Variants in GPALPP1 observed in about 807,000 individuals in gnomAD.
GPALPP1 encodes GPALPP motifs-containing protein 1.
GPALPP1 carries 30 observed loss-of-function variants against 38.9 expected under a neutral mutation model. That is an observed-to-expected ratio of 0.77 (90% CI 0.58 to 1.05). GPALPP1 has a LOEUF of 1.05. Ranked by LOEUF, GPALPP1 falls within the 50% of genes least tolerant of loss-of-function variation. The probability of loss-of-function intolerance (pLI) is 0.00; values close to 1 mark genes in which losing one functional copy is unlikely to be tolerated. For missense variants in GPALPP1, 384 were observed against 408.8 expected (o/e 0.94, Z 0.52); for synonymous variants, 120 against 139.2 (o/e 0.86, Z 0.97).
chr13:45,004,191 T>A, intron 1 of GPALPP1, 114 bp from the exon 2 acceptor site: 1 of 798,260 alleles, frequency 1.3e-6, no homozygotes, highest in African/African-American at 1.7e-5. Context: ...AAGTGAATAA[T>A]AAATGATAGA....
chr13:44,991,403 C>T (rs562647248), intron 1 of GPALPP1, among the ~76,000 whole-genome samples: 5 of 150,812 alleles, frequency 3.3e-5, no homozygotes, highest in African/African-American at 9.8e-5. Flanking sequence ...GCCGAGATCG[C>T]GCCACTGCAC....
rs991310763 is a variant in GPALPP1, at chr13:45,005,544, G to C, written c.222-658G>C. Among the ~76,000 whole-genome samples, 19 of 152,214 alleles carry C rather than the reference G, an allele frequency of 1.2e-4. No homozygotes were observed. The East Asian group carries it at 3.7e-3, about 29-fold the overall frequency. On this transcript the variant is annotated intron_variant, in intron 2 of 7. Transcript: ENST00000379151. ...AATAGCAACTTAAAACCCTTCCTTA[G>C]ATGAGAATAAAAGTCACAGTCATAA...
At chr13:45,011,817 G>A (rs967445147) in intron 4 of GPALPP1, among the ~76,000 whole-genome samples, 5 of 152,132 alleles carry the variant, frequency 3.3e-5, no homozygotes, top group Admixed American at 6.5e-5. Flanking sequence ...TTTAGGCTAA[G>A]TACGAGGACT....
chr13:44,990,963 G>A (rs369855917), intron 1 of GPALPP1, among the ~76,000 whole-genome samples: 44 of 151,980 alleles, frequency 2.9e-4, no homozygotes, highest in African/African-American at 1.0e-3. Flanking sequence ...GGTGGCGGGC[G>A]CCTGTAATCC....
chr13:45,014,471 C>G (rs1874693206), intron 4 of GPALPP1, among the ~76,000 whole-genome samples: 1 of 152,010 alleles, frequency 6.6e-6, no homozygotes, highest in African/African-American at 2.4e-5. Flanking sequence ...TTATTACACT[C>G]TAAGCCTAAG....
At chr13:45,017,669 C>G (rs1332885398) in intron 6 of GPALPP1, among the ~76,000 whole-genome samples, 1 of 152,054 alleles carries the variant, frequency 6.6e-6, no homozygotes, top group African/African-American at 2.4e-5. Context: ...GGGAGTCTTC[C>G]TTGGAGGAAA....
At chr13:45,003,757 C>T (rs189496634) in intron 1 of GPALPP1, among the ~76,000 whole-genome samples, 212 of 152,258 alleles carry the variant, frequency 1.4e-3, no homozygotes, top group Non-Finnish European at 2.6e-3. Context: ...TCATTCTCTT[C>T]CCTGTATCTC....
At chr13:45,022,791 G>T (rs768570214) in intron 7 of GPALPP1, among the ~76,000 whole-genome samples, 1 of 152,148 alleles carries the variant, frequency 6.6e-6, no homozygotes, top group South Asian at 2.1e-4. Context: ...CCAGCACTTT[G>T]GGGGAGACTG....
chr13:44,994,918 A>G (rs764166550), intron 1 of GPALPP1, among the ~76,000 whole-genome samples: 21 of 151,912 alleles, frequency 1.4e-4, no homozygotes, highest in Non-Finnish European at 2.5e-4. Flanking sequence ...CAATGGCACA[A>G]TCTCGGCTCA....
At chr13:44,992,022 G>C (rs1872839863) in intron 1 of GPALPP1, among the ~76,000 whole-genome samples, 1 of 152,202 alleles carries the variant, frequency 6.6e-6, no homozygotes, top group Non-Finnish European at 1.5e-5. Context: ...ATGAACATTT[G>C]AGTAATTTCC....
At chr13:45,036,360 T>G (rs373353315) in exon 8 of GPALPP1, 1 of 152,244 alleles carries the variant, frequency 6.6e-6, no homozygotes, top group African/African-American at 2.4e-5. Context: ...TCCTTGTCCC[T>G]GGCTGACTTG....
At chr13:45,004,867 G>C (rs1451844232) in intron 2 of GPALPP1, among the ~76,000 whole-genome samples, 2 of 151,728 alleles carry the variant, frequency 1.3e-5, no homozygotes, top group Admixed American at 1.3e-4. Context: ...TGTTGCCCAG[G>C]CTGGTCTCAA....
downstream of GPALPP1, chr13:45,035,019 C>G (rs1367183245): frequency 6.9e-6 from 1 of 144,284 alleles, no homozygotes; most frequent in Non-Finnish European, 1.5e-5. Flanking sequence ...TGCAGTGGCG[C>G]CATCTCGGCT....
At chr13:45,000,509 A>T (rs1873596885) in intron 1 of GPALPP1, among the ~76,000 whole-genome samples, 1 of 152,230 alleles carries the variant, frequency 6.6e-6, no homozygotes, top group African/African-American at 2.4e-5. Context: ...CATATTACAC[A>T]TCTAATTGCT....
chr13:45,021,983 T>A lies in GPALPP1; in HGVS notation c.804+1555T>A, dbSNP rs571074643. Among the ~76,000 whole-genome samples, 105 of 152,332 alleles carry A rather than the reference T, an allele frequency of 6.9e-4. 1 individual carries two copies. In the South Asian group the frequency reaches 0.021, roughly 31 times the overall value. On this transcript the variant is annotated intron_variant, in intron 7 of 7. Coordinates refer to ENST00000379151, the MANE Select transcript of GPALPP1 (RefSeq NM_018559.5). ...AAAGAGTTGAACATGTTATTCTTAA[T>A]AGCCTCAAAAAAACTTATCCAAGAA...
downstream of GPALPP1, chr13:45,031,427 T>G (rs1413753672): frequency 6.6e-6 from 1 of 152,264 alleles, no homozygotes; most frequent in African/African-American, 2.4e-5. Context: ...ATTTGCATTT[T>G]TTAAAGTAAA....
intron 4 of GPALPP1, among the ~76,000 whole-genome samples, chr13:45,012,427 CAGTT>C (rs746817745): frequency 6.6e-6 from 1 of 152,082 alleles, no homozygotes; most frequent in African/African-American, 2.4e-5. Context: ...ATGTGCCACT[CAGTT>C]GGTAAATCTG....
rs1593376247 is a variant in GPALPP1, at chr13:44,989,854, C to T, written c.88+112C>T. On this transcript the variant is annotated intron_variant, in intron 1 of 7. Transcript: ENST00000379151. ...GGAGGGCGGAGGAGTGGGGAGTGGG[C>T]GCGGCCTGACCCGAGAGAACTTTTC... 3.4e-5 allele frequency: 26 copies of T among 758,488 alleles called. No individual in the cohort carries two copies. The East Asian group carries it at 6.4e-4, about 19-fold the overall frequency. The allele number at this position is 758,488 out of a possible 1,614,324, so 47.0% of individuals were successfully genotyped here.
At chr13:45,022,115 A>G (rs184740382) in intron 7 of GPALPP1, among the ~76,000 whole-genome samples, 48 of 152,360 alleles carry the variant, frequency 3.2e-4, no homozygotes, top group African/African-American at 1.1e-3. Context: ...CTACTCACCA[A>G]TAAAAAGGAA....
Sources: gnomAD v4.1 joint callset for allele counts (sites outside exome capture counted in the v4.1 genomes callset) on GRCh38, gnomAD v4.1.1 for gene constraint, MANE v1.5 for transcripts, NCBI Gene and HGNC (gene_info 2026-07-23, HGNC 2026-07-21) for gene names.